ACBD7: variants seen among roughly 807,000 people sequenced by gnomAD.
The protein encoded by ACBD7 is acyl-CoA binding domain containing 7, also known as acyl-CoA-binding domain-containing protein 7.
In ACBD7, 11 loss-of-function variants were observed where a neutral mutation model predicts 13.7. That is an observed-to-expected ratio of 0.80 (90% CI 0.50 to 1.33). The LOEUF (loss-of-function observed/expected upper bound fraction) is 1.33. ACBD7 is among the 40% of genes most tolerant of loss of function. The probability of loss-of-function intolerance (pLI) is 0.00; values close to 1 mark genes in which losing one functional copy is unlikely to be tolerated. For synonymous variants in ACBD7, 43 were observed against 37.7 expected, an observed-to-expected ratio of 1.14 and a Z score of -0.51; for missense variants, 111 against 103.0, an observed-to-expected ratio of 1.08 and a Z score of -0.33.
Position 15,078,560 on chromosome 10 carries a change from T to C in ACBD7, c.237A>G (p.Ala79=), listed in dbSNP as rs770780008. ...EDATSAYISK[A]KELIEKYGI is the part of the protein sequence containing the mutation. ...TTCCGTATTTTTCTATCAGCTCCTT[T>C]GCTTTAGAAATATAGGCACTCGTCG... is the stretch of plus-strand genomic sequence containing the variant. Residue 79 remains alanine (A), a synonymous_variant, in exon 4 of 4, where the codon GCA becomes GCG. Transcript: ENST00000356189. The C allele has an allele frequency of 3.6e-5, 58 of 1,614,178 alleles. No homozygotes were observed. Among genetic ancestry groups the C allele is most frequent in the East Asian group, 1.6e-4 (7 of 44,878 alleles).
chr10:15,081,508 G>A (rs1415489376), intron 1 of ACBD7, among the ~76,000 whole-genome samples: 1 of 152,210 alleles, frequency 6.6e-6, no homozygotes, highest in Non-Finnish European at 1.5e-5. Flanking sequence ...ATCACTTAAG[G>A]TTTTAGATGA....
At chr10:15,085,135 T>C (rs1203811511) in intron 1 of ACBD7, among the ~76,000 whole-genome samples, 2 of 152,166 alleles carry the variant, frequency 1.3e-5, no homozygotes, top group African/African-American at 2.4e-5. Context: ...GGCATCCTGG[T>C]TGAATGTTTT....
intron 1 of ACBD7, among the ~76,000 whole-genome samples, chr10:15,086,918 C>A (rs1046397102): frequency 6.6e-6 from 1 of 151,016 alleles, no homozygotes; most frequent in African/African-American, 2.4e-5. Context: ...GAGGCTGAGG[C>A]AGGAGAATCG....
chr10:15,078,551 C>T lies in ACBD7; in HGVS notation c.246G>A (p.Leu82=). 1 of 1,614,146 alleles carries T rather than the reference C, an allele frequency of 6.2e-7. No individual in the cohort carries two copies. Among genetic ancestry groups the T allele is most frequent in the Non-Finnish European group, 8.5e-7 (1 of 1,180,016 alleles). Residue 82 remains leucine, a synonymous_variant, in exon 4 of 4, where the codon CTG becomes CTA. Coordinates refer to ENST00000356189, the MANE Select transcript of ACBD7 (RefSeq NM_001039844.3). ...TATTCTAAATTCCGTATTTTTCTAT[C>T]AGCTCCTTTGCTTTAGAAATATAGG... is the stretch of plus-strand genomic sequence containing the variant. ...TSAYISKAKE[L]IEKYGI
At chr10:15,083,750 T>G (rs780558130) in intron 1 of ACBD7, among the ~76,000 whole-genome samples, 1 of 152,244 alleles carries the variant, frequency 6.6e-6, no homozygotes, top group Non-Finnish European at 1.5e-5. Flanking sequence ...CCCAAAGTGC[T>G]GGGATTACAG....
Position 15,076,223 on chromosome 10 carries a change from C to A in ACBD7, c.*2307G>T, listed in dbSNP as rs1213543650. 3.0e-6 allele frequency: 3 copies of A among 985,222 alleles called. No individual in the cohort carries two copies. Among genetic ancestry groups the A allele is most frequent in the South Asian group, 9.4e-5 (2 of 21,278 alleles). 61.0% of individuals were successfully genotyped at this position (985,222 alleles called of 1,614,324 possible). On this transcript the variant is annotated 3_prime_UTR_variant, in exon 4 of 4. Transcript: ENST00000356189. Reference sequence around the variant, plus strand: ...TTGGGGGATATTTATCTTAAGGGATCTCAAACAATTTTTTGAATTGTTAAC... The same window carrying A: ...TTGGGGGATATTTATCTTAAGGGATATCAAACAATTTTTTGAATTGTTAAC...
In ACBD7 at chr10:15,088,772, G is replaced by C; in HGVS notation, c.-44C>G. On this transcript the variant is annotated 5_prime_UTR_variant, in exon 1 of 4. Coordinates refer to ENST00000356189, the MANE Select transcript of ACBD7 (RefSeq NM_001039844.3). Reference sequence around the variant, plus strand: ...GTTGCTGCTGCTGTTGTCGTCCGGTGCTCTGCCCCCTCTCGCACCCACCGC... The same window carrying C: ...GTTGCTGCTGCTGTTGTCGTCCGGTCCTCTGCCCCCTCTCGCACCCACCGC... The C allele has an allele frequency of 6.3e-7, 1 of 1,595,140 alleles. No individual in the cohort carries two copies. The highest frequency in any genetic ancestry group is 1.1e-5 in the South Asian group (1 of 89,368).
chr10:15,075,996 A>T lies in ACBD7; in HGVS notation c.*2534T>A. Reference sequence around the variant, plus strand: ...CTCAACAAAAAAAAAAAAAAAAAAAAAGAAAAGAAAAAGAATGTTATATAA... The same window carrying T: ...CTCAACAAAAAAAAAAAAAAAAAAATAGAAAAGAAAAAGAATGTTATATAA... On this transcript the variant is annotated 3_prime_UTR_variant, in exon 4 of 4. Coordinates refer to ENST00000356189, the MANE Select transcript of ACBD7 (RefSeq NM_001039844.3). The T allele has an allele frequency of 3.3e-6, 2 of 606,422 alleles. No homozygotes were observed. Among genetic ancestry groups the T allele is most frequent in the Non-Finnish European group, 4.1e-6 (2 of 490,644 alleles). 37.6% of individuals were successfully genotyped at this position (606,422 alleles called of 1,614,324 possible). A position where few individuals can be genotyped will look rare whatever the true frequency, so the allele number is the denominator to read the frequency against.
intron 1 of ACBD7, among the ~76,000 whole-genome samples, chr10:15,084,224 CAATA>C (rs1844782968): frequency 1.3e-5 from 2 of 150,522 alleles, no homozygotes; most frequent in Admixed American, 6.6e-5. Flanking sequence ...AACAATCAAT[CAATA>C]ATCACCTTGG....
chr10:15,081,270 G>A (rs894589305), intron 1 of ACBD7, among the ~76,000 whole-genome samples: 6 of 152,052 alleles, frequency 3.9e-5, no homozygotes, highest in Non-Finnish European at 8.8e-5. Flanking sequence ...GCCCTTCCTG[G>A]GGCTTGAGGC....
chr10:15,075,976 CAAAAAAAAAA>C lies in ACBD7; in HGVS notation c.*2544_*2553del. The C allele has an allele frequency of 3.2e-6, 1 of 309,274 alleles. No homozygotes were observed. The highest frequency in any genetic ancestry group is 2.2e-4 in the East Asian group (1 of 4,618). The allele number at this position is 309,274 out of a possible 1,614,324, so 19.2% of individuals were successfully genotyped here. A position where few individuals can be genotyped will look rare whatever the true frequency, so the allele number is the denominator to read the frequency against. On this transcript the variant is annotated 3_prime_UTR_variant, in exon 4 of 4. Transcript: ENST00000356189. The stretch of plus-strand genomic sequence containing the variant: ...GTAACAGAGTGACAGCCTGTCTCAA[CAAAAAAAAAA>C]AAAAAAAAAAAGAAAAGAAAAAGAA...
At chr10:15,087,036 C>G (rs916920816) in intron 1 of ACBD7, among the ~76,000 whole-genome samples, 3 of 146,764 alleles carry the variant, frequency 2.0e-5, no homozygotes, top group African/African-American at 7.6e-5. Flanking sequence ...AAAAAATAGC[C>G]AGGTGTGGTG....
intron 1 of ACBD7, among the ~76,000 whole-genome samples, chr10:15,086,524 T>C (rs1013074938): frequency 6.6e-6 from 1 of 152,198 alleles, no homozygotes; most frequent in African/African-American, 2.4e-5. Flanking sequence ...CAGGAAATTT[T>C]AGAAAGAACA....
chr10:15,077,606 G>A lies in ACBD7; in HGVS notation c.*924C>T, dbSNP rs536268090. On this transcript the variant is annotated 3_prime_UTR_variant, in exon 4 of 4. Transcript: ENST00000356189. ...TGTAACAAAACTGCACCTGTGACCA[G>A]GTGTGGTGGCTCACACCTGCAACCC... The A allele has an allele frequency of 6.6e-6, 1 of 152,282 alleles. No homozygotes were observed. Among genetic ancestry groups the A allele is most frequent in the East Asian group, 1.9e-4 (1 of 5,182 alleles). The allele number at this position is 152,282 out of a possible 1,614,324, so 9.4% of individuals were successfully genotyped here. A position where few individuals can be genotyped will look rare whatever the true frequency, so the allele number is the denominator to read the frequency against.
rs962996459 is a variant in ACBD7, at chr10:15,075,926, A to G, written c.*2604T>C. 6.5e-5 allele frequency: 14 copies of G among 214,978 alleles called. No individual in the cohort carries two copies. Among genetic ancestry groups the G allele is most frequent in the Non-Finnish European group, 1.1e-4 (14 of 128,102 alleles). The allele number at this position is 214,978 out of a possible 1,614,324, so 13.3% of individuals were successfully genotyped here. A position where few individuals can be genotyped will look rare whatever the true frequency, so the allele number is the denominator to read the frequency against. The stretch of plus-strand genomic sequence containing the variant: ...GAGGCAGAGGTTGCAGTGAGCCGAG[A>G]GCGTGCCACTGCGCTCCAGCCTGGG... On this transcript the variant is annotated 3_prime_UTR_variant, in exon 4 of 4. Coordinates refer to ENST00000356189, the MANE Select transcript of ACBD7 (RefSeq NM_001039844.3).
chr10:15,085,659 T>G (rs7912191), intron 1 of ACBD7, among the ~76,000 whole-genome samples: 3 of 152,046 alleles, frequency 2.0e-5, no homozygotes. Flanking sequence ...AAGAAGTCTG[T>G]TTTTTAGCTT....
chr10:15,087,128 T>A (rs1329532431), intron 1 of ACBD7, among the ~76,000 whole-genome samples: 2 of 151,670 alleles, frequency 1.3e-5, no homozygotes, highest in African/African-American at 2.4e-5. Flanking sequence ...TGCAGTGAGC[T>A]GAGATCATGC....
rs1589258056 is a variant in ACBD7 at position 15,075,683 on chromosome 10, A to G, written c.*2847T>C. On this transcript the variant is annotated 3_prime_UTR_variant, in exon 4 of 4. Coordinates refer to ENST00000356189, the MANE Select transcript of ACBD7 (RefSeq NM_001039844.3). Reference sequence around the variant, plus strand: ...TTTGCGTCTATAAATGTTCCCTTTCAAGAATCCTGGCTGGACGCGGTGGCT... The same window carrying G: ...TTTGCGTCTATAAATGTTCCCTTTCGAGAATCCTGGCTGGACGCGGTGGCT... 1.3e-5 allele frequency among the ~76,000 whole-genome samples: 2 copies of G among 152,102 alleles called. 1 individual carries two copies. Among genetic ancestry groups the G allele is most frequent in the East Asian group, 3.9e-4 (2 of 5,182 alleles).
Position 15,077,733 on chromosome 10 carries a change from C to T in ACBD7, c.*797G>A, listed in dbSNP as rs1844699909. On this transcript the variant is annotated 3_prime_UTR_variant, in exon 4 of 4. Transcript: ENST00000356189. ...ACTAAAAATACAAAAATTAGCCAGC[C>T]ATGGTGGCAAGCACCTGTAATCCCA... 6.6e-6 allele frequency: 1 copy of T among 152,202 alleles called. No homozygotes were observed. The highest frequency in any genetic ancestry group is 1.5e-5 in the Non-Finnish European group (1 of 68,100). The allele number at this position is 152,202 out of a possible 1,614,324, so 9.4% of individuals were successfully genotyped here. A position where few individuals can be genotyped will look rare whatever the true frequency, so the allele number is the denominator to read the frequency against.
Sources: allele counts gnomAD v4.1 joint callset (sites outside exome capture counted in the v4.1 genomes callset), GRCh38; gene constraint gnomAD v4.1.1; transcripts MANE v1.5; gene names NCBI Gene and HGNC (gene_info 2026-07-23, HGNC 2026-07-21).